Variants in NCOR2 observed in about 807,000 individuals in gnomAD.
NCOR2 encodes the protein CTG repeat protein 26.
A neutral mutation model predicts 262.9 loss-of-function variants in NCOR2; 81 were observed. The observed-to-expected ratio is 0.31, with a 90% CI of 0.26 to 0.37. NCOR2 has a LOEUF of 0.37. Ranked by LOEUF, NCOR2 falls within the 10% of genes least tolerant of loss-of-function variation. NCOR2 has a pLI of 1.00. For synonymous variants in NCOR2, 1,659 were observed against 1,559.3 expected (o/e 1.06, Z -1.51); for missense variants, 3,385 against 3,621.4 (o/e 0.93, Z 1.68).
At chr12:124,536,452 G>A (rs1287367320), upstream of NCOR2, among the ~76,000 whole-genome samples, 1 of 152,008 alleles carries the variant, frequency 6.6e-6, no homozygotes, top group Non-Finnish European at 1.5e-5. Context: ...AATACAGAGG[G>A]GACACCCACA....
At chr12:124,327,242 G>T (rs1177428590) in intron 45 of NCOR2, among the ~76,000 whole-genome samples, 167 bp downstream of exon 47, 1 of 152,148 alleles carries the variant, frequency 6.6e-6, no homozygotes, top group Non-Finnish European at 1.5e-5. Context: ...GGGGGTGTCA[G>T]CCCAGCTTCA....
At chr12:124,468,673 C>A in intron 4 of NCOR2, among the ~76,000 whole-genome samples, 1 of 1,418 alleles carries the variant, frequency 7.1e-4, no homozygotes. Flanking sequence ...CTTATCACCC[C>A]CCTCATCCTC....
intron 1 of NCOR2, among the ~76,000 whole-genome samples, chr12:124,527,455 T>C (rs1442056602): frequency 1.3e-5 from 2 of 152,118 alleles, no homozygotes; most frequent in Non-Finnish European, 2.9e-5. Context: ...TCTTGCTCTG[T>C]TGCCCAGGCT....
intron 13 of NCOR2, among the ~76,000 whole-genome samples, chr12:124,417,167 C>G (rs74318613): frequency 0.013 from 1,017 of 76,760 alleles, no homozygotes; most frequent in South Asian, 0.02. Flanking sequence ...AGGCCGGACA[C>G]TCACTCCACG....
At chr12:124,486,697 G>T in intron 1 of NCOR2, 129 bp from the exon 4 acceptor site, 1 of 1,200,874 alleles carries the variant, frequency 8.3e-7, no homozygotes, top group Non-Finnish European at 1.1e-6. Flanking sequence ...ATAAGCCCAA[G>T]TCCTGCAGGG....
chr12:124,361,984 G>A, intron 22 of NCOR2, 142 bp downstream of exon 24: 2 of 750,026 alleles, frequency 2.7e-6, no homozygotes, highest in African/African-American at 1.8e-5. Flanking sequence ...GCCTCCCCCT[G>A]CTCAACTGTT....
intron 39 of NCOR2, 50 bp from the exon 42 acceptor site, chr12:124,335,330 G>A (rs779380307): frequency 1.3e-6 from 2 of 1,517,096 alleles, no homozygotes; most frequent in African/African-American, 2.7e-5. Flanking sequence ...CCCCAGGGCT[G>A]CTGGGCCCAA....
At chr12:124,357,616 T>C (rs549729699) in intron 22 of NCOR2, among the ~76,000 whole-genome samples, 1 of 152,386 alleles carries the variant, frequency 6.6e-6, no homozygotes, top group African/African-American at 2.4e-5. Context: ...ACTTTGTGAA[T>C]ACGCTTTTAC....
Position 124,378,444 on chromosome 12 carries a change from C to A in NCOR2, c.2020-60G>T. The A allele has an allele frequency of 6.6e-7, 1 of 1,520,076 alleles. No homozygotes were observed. Among genetic ancestry groups the A allele is most frequent in the Non-Finnish European group, 8.8e-7 (1 of 1,132,238 alleles). 94.2% of individuals were successfully genotyped at this position (1,520,076 alleles called of 1,614,324 possible). ...GCCTGGGCTGTCAGCTCGGGGACTCCCCATGCCTGGGGCCTCGCCGCAGGT... is the reference window on the plus strand; with the variant it reads ...GCCTGGGCTGTCAGCTCGGGGACTCACCATGCCTGGGGCCTCGCCGCAGGT... On this transcript the variant is annotated intron_variant, in intron 17 of 46. Coordinates refer to ENST00000405201, the Ensembl canonical transcript of NCOR2. The surrounding 1 kb of genome is among the most constrained non-coding windows in gnomAD (Gnocchi z 4.2).
intron 1 of NCOR2, among the ~76,000 whole-genome samples, chr12:124,520,626 T>G (rs915945889): frequency 6.6e-6 from 1 of 152,188 alleles, no homozygotes; most frequent in South Asian, 2.1e-4. Context: ...GTTGAGTGAC[T>G]TAATGAAGAC....
chr12:124,378,349 TTTC>T lies in NCOR2; in HGVS notation c.2052_2054del (p.Lys685del), dbSNP rs754815300. 42 of 1,613,578 alleles carry T rather than the reference TTTC, an allele frequency of 2.6e-5. No homozygotes were observed. The highest frequency in any genetic ancestry group is 3.1e-5 in the Non-Finnish European group (37 of 1,179,878). On this transcript the variant is annotated inframe_deletion, in exon 18 of 47. Coordinates refer to ENST00000405201, the Ensembl canonical transcript of NCOR2. This position sits in a 1 kb window ranked among gnomAD's most constrained non-coding sequence, Gnocchi z 4.2. ...CCTCCTCGCTGGCCGCCGCCGGCGC[TTTC>T]TTCTTCTTCCTCCGCGCGTTCCTCT...
At chr12:124,344,949 G>A (rs770528853) in exon 32 of NCOR2, 1 of 1,539,774 alleles carries the variant, frequency 6.5e-7, no homozygotes, top group Admixed American at 2.0e-5. Context: ...TGAGCGGGGT[G>A]CCCTGGGGCA....
At chr12:124,384,191 A>G (rs2040622946) in intron 17 of NCOR2, among the ~76,000 whole-genome samples, 1 of 152,208 alleles carries the variant, frequency 6.6e-6, no homozygotes, top group African/African-American at 2.4e-5. Flanking sequence ...GACAGAATCA[A>G]TGGCCCACAA....
chr12:124,458,807 G>A (rs1471286663), intron 5 of NCOR2, among the ~76,000 whole-genome samples: 1 of 152,144 alleles, frequency 6.6e-6, no homozygotes, highest in Non-Finnish European at 1.5e-5. Flanking sequence ...TAGTATTTCC[G>A]GTGGATGGGG....
At chr12:124,354,785 G>A (rs1376924023) in intron 25 of NCOR2, 52 bp downstream of exon 27, 2 of 1,556,714 alleles carry the variant, frequency 1.3e-6, no homozygotes, top group South Asian at 1.1e-5. Flanking sequence ...CCACCCACAG[G>A]ACAGCCAGAG....
At chr12:124,407,889 T>A (rs928278752) in intron 13 of NCOR2, among the ~76,000 whole-genome samples, 3 of 152,074 alleles carry the variant, frequency 2.0e-5, no homozygotes, top group Non-Finnish European at 2.9e-5. Flanking sequence ...GGGGTTGGTG[T>A]GGAAAGTGGG....
intron 1 of NCOR2, among the ~76,000 whole-genome samples, chr12:124,544,644 G>A (rs837478): frequency 0.9 from 136,879 of 152,184 alleles, 61,799 homozygotes; most frequent in East Asian, 1. Flanking sequence ...ACCCGCCCGG[G>A]CCCAGGGTAG....
intron 17 of NCOR2, among the ~76,000 whole-genome samples, chr12:124,381,189 G>C (rs1437108489): frequency 6.6e-6 from 1 of 151,974 alleles, no homozygotes; most frequent in South Asian, 2.1e-4. Flanking sequence ...CCCCTCCTCA[G>C]AGACTGTGCT....
Position 124,414,183 on chromosome 12 carries a change from T to C in NCOR2, c.1482+5774A>G, listed in dbSNP as rs530365837. Reference sequence around the variant, plus strand: ...GTGCTGCCGAGGGGACGGCTGGGCCTCCCTCCAACTCCCCGGGCTGCATGT... The same window carrying C: ...GTGCTGCCGAGGGGACGGCTGGGCCCCCCTCCAACTCCCCGGGCTGCATGT... On this transcript the variant is annotated intron_variant, in intron 13 of 46. Coordinates refer to ENST00000405201, the Ensembl canonical transcript of NCOR2. 2.0e-5 allele frequency among the ~76,000 whole-genome samples: 3 copies of C among 152,262 alleles called. No individual in the cohort carries two copies. The East Asian group carries it at 5.8e-4, about 29-fold the overall frequency.
Sources: gnomAD v4.1 joint callset for allele counts (sites outside exome capture counted in the v4.1 genomes callset) on GRCh38, gnomAD v4.1.1 for gene constraint, Gnocchi (gnomAD v3.1) non-coding constraint, MANE v1.5 for transcripts, NCBI Gene and HGNC (gene_info 2026-07-23, HGNC 2026-07-21) for gene names.